CNTNAP4: variants seen among roughly 807,000 people sequenced by gnomAD.
CNTNAP4 encodes contactin-associated protein-like 4.
A neutral mutation model predicts 148.4 loss-of-function variants in CNTNAP4; 98 were observed. The ratio of observed to expected loss-of-function variants is 0.66; its 90% confidence interval spans 0.56 to 0.78. The LOEUF is 0.78. CNTNAP4 is among the 30% of genes least tolerant of loss of function. The pLI, the probability that CNTNAP4 is intolerant of heterozygous loss-of-function variation, is 0.00. For synonymous variants in CNTNAP4, 730 were observed against 565.1 expected (o/e 1.29, Z -4.14); for missense variants, 1,935 against 1,565.6 (o/e 1.24, Z -3.98).
intron 15 of CNTNAP4, among the ~76,000 whole-genome samples, chr16:76,500,180 G>A (rs2082572300): frequency 1.3e-5 from 2 of 151,824 alleles, no homozygotes; most frequent in South Asian, 4.2e-4. Context: ...GCAGCTGGGC[G>A]GGGGCTGCCC....
rs1964970428 is a variant in CNTNAP4 at position 76,347,136 on chromosome 16, GTT to G, written c.197-8181_197-8180del. ...AAGCTGTGTAGGTGTGAGGCAATTG[GTT>G]GTGTGTGTGTGTGTGTGTGTGTGTG... is the stretch of plus-strand genomic sequence containing the variant. On this transcript the variant is annotated intron_variant, in intron 2 of 23. Coordinates refer to ENST00000611870, the MANE Select transcript of CNTNAP4 (RefSeq NM_033401.5). Among the ~76,000 whole-genome samples, 3 of 98,158 alleles carry G rather than the reference GTT, an allele frequency of 3.1e-5. No homozygotes were observed. In the South Asian group the frequency reaches 9.4e-4, roughly 31 times the overall value. The allele number at this position is 98,158 out of a possible 152,430, so 64.4% of individuals were successfully genotyped here.
At chr16:76,386,482 G>A (rs2016525631) in intron 3 of CNTNAP4, among the ~76,000 whole-genome samples, 1 of 152,102 alleles carries the variant, frequency 6.6e-6, no homozygotes, top group South Asian at 2.1e-4. Flanking sequence ...TTGTTGAATT[G>A]CCTTTATGCT....
intron 3 of CNTNAP4, among the ~76,000 whole-genome samples, chr16:76,412,165 AG>A (rs1372856361): frequency 5.9e-5 from 9 of 151,520 alleles, no homozygotes; most frequent in African/African-American, 9.7e-5. Context: ...AATGTCCTAC[AG>A]TAATGAAAAT....
chr16:76,314,266 C>G (rs779625704), intron 1 of CNTNAP4, among the ~76,000 whole-genome samples: 6 of 152,126 alleles, frequency 3.9e-5, no homozygotes, highest in Non-Finnish European at 7.3e-5. Context: ...AATCCAGAGC[C>G]CAAGAAAGGG....
intron 3 of CNTNAP4, among the ~76,000 whole-genome samples, chr16:76,392,916 C>T (rs778085054): frequency 2.6e-5 from 4 of 152,202 alleles, no homozygotes; most frequent in Admixed American, 6.5e-5. Flanking sequence ...ACCAGAGTCC[C>T]TGCTTTATAC....
chr16:76,362,927 A>G (rs539329444), intron 3 of CNTNAP4, among the ~76,000 whole-genome samples: 1 of 152,270 alleles, frequency 6.6e-6, no homozygotes, highest in South Asian at 2.1e-4. Flanking sequence ...TAAGGAAAAA[A>G]GAATACACAA....
intron 3 of CNTNAP4, among the ~76,000 whole-genome samples, chr16:76,401,879 C>T (rs1016821981): frequency 1.3e-5 from 2 of 152,050 alleles, no homozygotes; most frequent in Non-Finnish European, 2.9e-5. Flanking sequence ...ACCTTGCATC[C>T]CAGAGATGAA....
At chr16:76,525,352 G>T in intron 17 of CNTNAP4, among the ~76,000 whole-genome samples, 1 of 151,188 alleles carries the variant, frequency 6.6e-6, no homozygotes, top group East Asian at 1.9e-4. Context: ...AAAGAGTTCT[G>T]TGTCTTCCTG....
chr16:76,342,465 C>CTT (rs397854943), intron 2 of CNTNAP4, among the ~76,000 whole-genome samples: 1,221 of 91,492 alleles, frequency 0.013, 1 homozygote, highest in Non-Finnish European at 0.017. Flanking sequence ...TTGCTAATTT[C>CTT]TTTTTTTTTT....
intron 3 of CNTNAP4, among the ~76,000 whole-genome samples, chr16:76,357,040 A>T (rs998964198): frequency 6.8e-6 from 1 of 147,686 alleles, no homozygotes; most frequent in Non-Finnish European, 1.5e-5. Context: ...AAAAAAAACA[A>T]ACAAAACAAC....
intron 1 of CNTNAP4, among the ~76,000 whole-genome samples, chr16:76,313,801 G>T (rs1000377624): frequency 8.5e-5 from 13 of 152,212 alleles, no homozygotes; most frequent in Non-Finnish European, 7.4e-5. Flanking sequence ...ATAATTCTTA[G>T]ATTTATTTAA....
At position 76,489,877 on chromosome 16, in the gene CNTNAP4, A is replaced by G. The variant is rs773389641; in HGVS notation, c.2074A>G (p.Lys692Glu). ...YYCKKSRLVNKQDGTPLSWWV... is the reference protein window; with the variant it reads ...YYCKKSRLVNEQDGTPLSWWV... Reference sequence around the variant, plus strand: ...CTGCAAGAAGTCACGGCTGGTCAATAAGCAAGGTAAGTAAACCATGGTGTC... The same window carrying G: ...CTGCAAGAAGTCACGGCTGGTCAATGAGCAAGGTAAGTAAACCATGGTGTC... Residue 692 changes from lysine to glutamate, a missense_variant, in exon 13 of 24, where the codon AAG becomes GAG. Transcript: ENST00000611870. 2.6e-6 allele frequency: 4 copies of G among 1,545,946 alleles called. No individual in the cohort carries two copies. The Admixed American group carries it at 7.2e-5, about 28-fold the overall frequency.
At chr16:76,386,101 C>T (rs2016492965) in intron 3 of CNTNAP4, among the ~76,000 whole-genome samples, 1 of 152,126 alleles carries the variant, frequency 6.6e-6, no homozygotes, top group African/African-American at 2.4e-5. Flanking sequence ...CTGCTGTGGG[C>T]ACATTCACAA....
chr16:76,429,355 T>G (rs139780917), intron 4 of CNTNAP4, among the ~76,000 whole-genome samples: 65 of 152,326 alleles, frequency 4.3e-4, no homozygotes, highest in Non-Finnish European at 7.9e-4. Flanking sequence ...TATTCTCCAC[T>G]TATTCAGAAC....
At chr16:76,383,166 A>C (rs2016164207) in intron 3 of CNTNAP4, among the ~76,000 whole-genome samples, 1 of 152,044 alleles carries the variant, frequency 6.6e-6, no homozygotes, top group Admixed American at 6.5e-5. Flanking sequence ...TATTTAATGA[A>C]AGAAACTTTC....
chr16:76,311,299 G>GT (rs1234777598), intron 1 of CNTNAP4, among the ~76,000 whole-genome samples: 1 of 151,928 alleles, frequency 6.6e-6, no homozygotes, highest in East Asian at 1.9e-4. Context: ...AGGCTATTGA[G>GT]TTTTTTTGTA....
At chr16:76,281,926 T>A (rs1958702768) in intron 1 of CNTNAP4, among the ~76,000 whole-genome samples, 1 of 151,978 alleles carries the variant, frequency 6.6e-6, no homozygotes, top group African/African-American at 2.4e-5. Context: ...TAGTATTATA[T>A]TTTGAATTTT....
chr16:76,299,033 A>T (rs1187658295), intron 1 of CNTNAP4, among the ~76,000 whole-genome samples: 1 of 152,142 alleles, frequency 6.6e-6, no homozygotes, highest in Non-Finnish European at 1.5e-5. Flanking sequence ...ATCTAAAACC[A>T]TAAAAACCCT....
chr16:76,351,473 A>G (rs543942738), intron 2 of CNTNAP4, among the ~76,000 whole-genome samples: 26 of 152,316 alleles, frequency 1.7e-4, no homozygotes, highest in African/African-American at 5.8e-4. Context: ...TAAAATTAGA[A>G]CAAGCCTAAC....
Sources: allele counts gnomAD v4.1 joint callset (sites outside exome capture counted in the v4.1 genomes callset), GRCh38; gene constraint gnomAD v4.1.1; transcripts MANE v1.5; gene names NCBI Gene and HGNC (gene_info 2026-07-23, HGNC 2026-07-21).